GRM8: variants seen among roughly 807,000 people sequenced by gnomAD.
The protein encoded by GRM8 is metabotropic glutamate receptor 8.
In GRM8, 47 loss-of-function variants were observed where a neutral mutation model predicts 87.2. That is an observed-to-expected ratio of 0.54 (90% confidence interval 0.43 to 0.69). The LOEUF (loss-of-function observed/expected upper bound fraction) is 0.69. Ranked by LOEUF, GRM8 falls within the 30% of genes least tolerant of loss-of-function variation. The pLI, the probability that GRM8 is intolerant of heterozygous loss-of-function variation, is 0.00. For missense variants in GRM8, 1,019 were observed against 1,139.2 expected (o/e 0.89, Z 1.52); for synonymous variants, 396 against 404.5 (o/e 0.98, Z 0.25).
chr7:127,171,287 T>C (rs1450770734), intron 2 of GRM8, among the ~76,000 whole-genome samples: 1 of 152,150 alleles, frequency 6.6e-6, no homozygotes, highest in African/African-American at 2.4e-5. Flanking sequence ...CTGGTGAAAA[T>C]ACTGTGATCA....
chr7:127,182,147 A>T (rs1794474996), intron 2 of GRM8, among the ~76,000 whole-genome samples: 1 of 152,134 alleles, frequency 6.6e-6, no homozygotes, highest in African/African-American at 2.4e-5. Flanking sequence ...CAAATCAATA[A>T]GAAAAAAACA....
chr7:127,046,394 A>T (rs17866031), intron 3 of GRM8, among the ~76,000 whole-genome samples: 61 of 152,266 alleles, frequency 4.0e-4, no homozygotes, highest in East Asian at 3.7e-3. Flanking sequence ...AAATAAAAAA[A>T]AAAGAAAATC....
intron 6 of GRM8, among the ~76,000 whole-genome samples, chr7:126,793,124 C>T (rs1048332062): frequency 6.6e-6 from 1 of 152,102 alleles, no homozygotes; most frequent in Non-Finnish European, 1.5e-5. Context: ...CATGAGTTTT[C>T]CTATCAGCTT....
chr7:126,452,458 G>C (rs559401590), intron 9 of GRM8, among the ~76,000 whole-genome samples: 5 of 150,052 alleles, frequency 3.3e-5, no homozygotes, highest in African/African-American at 9.8e-5. Flanking sequence ...AAAGAAAACT[G>C]TTTGGATAAC....
intron 3 of GRM8, among the ~76,000 whole-genome samples, chr7:127,034,096 G>T (rs750021135): frequency 1.3e-5 from 2 of 152,126 alleles, no homozygotes; most frequent in South Asian, 2.1e-4. Context: ...ACTACACAGT[G>T]ATATCACTGC....
intron 3 of GRM8, among the ~76,000 whole-genome samples, chr7:126,963,976 C>T (rs1809579509): frequency 6.6e-6 from 1 of 152,100 alleles, no homozygotes. Context: ...ATATATAGAC[C>T]AATGGAACAG....
At chr7:126,532,893 T>A (rs912484029) in intron 9 of GRM8, 59 bp downstream of exon 9, 7 of 972,382 alleles carry the variant, frequency 7.2e-6, no homozygotes, top group Non-Finnish European at 7.8e-6. Flanking sequence ...AGGAAAAGCA[T>A]CCTAAAAGAA....
Position 126,486,593 on chromosome 7 carries a change from T to C in GRM8, c.2431-40221A>G, listed in dbSNP as rs753095730. On this transcript the variant is annotated intron_variant, in intron 9 of 10. Coordinates refer to ENST00000339582, the MANE Select transcript of GRM8 (RefSeq NM_000845.3). Reference sequence around the variant, plus strand: ...ATCTCACAATTTTTAAAAATCTTGATAGGGCTCATGACCCCTTTAAAATCT... The same window carrying C: ...ATCTCACAATTTTTAAAAATCTTGACAGGGCTCATGACCCCTTTAAAATCT... Among the ~76,000 whole-genome samples the C allele has an allele frequency of 4.5e-4, 69 of 152,094 alleles. 1 individual carries two copies. Among genetic ancestry groups the C allele is most frequent in the Non-Finnish European group, 9.1e-4 (62 of 67,982 alleles).
At chr7:127,117,850 A>T (rs1826792884) in intron 2 of GRM8, among the ~76,000 whole-genome samples, 2 of 152,256 alleles carry the variant, frequency 1.3e-5, no homozygotes, top group Admixed American at 1.3e-4. Context: ...TAAAATAAAA[A>T]GTCAGTAATT....
chr7:127,222,952 CA>C (rs575693175), intron 2 of GRM8, among the ~76,000 whole-genome samples: 8 of 152,102 alleles, frequency 5.3e-5, no homozygotes, highest in Non-Finnish European at 1.0e-4. Flanking sequence ...AAGCTTCGTA[CA>C]AGAATTAATG....
chr7:127,084,034 G>A (rs1823174272), intron 3 of GRM8, among the ~76,000 whole-genome samples: 1 of 152,154 alleles, frequency 6.6e-6, no homozygotes, highest in Non-Finnish European at 1.5e-5. Flanking sequence ...CAAACTTCTA[G>A]AGAATACATT....
At chr7:126,514,999 T>C (rs1241767171) in intron 9 of GRM8, among the ~76,000 whole-genome samples, 2 of 152,052 alleles carry the variant, frequency 1.3e-5, no homozygotes, top group African/African-American at 4.8e-5. Flanking sequence ...AATCTATTTG[T>C]TTCTTTAAAA....
chr7:126,867,383 T>C (rs2130867709), intron 6 of GRM8, among the ~76,000 whole-genome samples: 1 of 152,344 alleles, frequency 6.6e-6, no homozygotes, highest in South Asian at 2.1e-4. Context: ...AAAAAAGTAG[T>C]AAATTGGGCA....
At chr7:126,744,832 C>T (rs542370701) in intron 7 of GRM8, among the ~76,000 whole-genome samples, 1 of 152,020 alleles carries the variant, frequency 6.6e-6, no homozygotes, top group Non-Finnish European at 1.5e-5. Context: ...TATAAGAATG[C>T]AAGCTGTCTT....
intron 6 of GRM8, among the ~76,000 whole-genome samples, chr7:126,838,376 C>G (rs954148593): frequency 2.0e-4 from 31 of 152,302 alleles, no homozygotes; most frequent in African/African-American, 7.0e-4. Context: ...TTTCTCTGCT[C>G]TGCTTATTCA....
chr7:126,518,914 A>G (rs1292917001), intron 9 of GRM8, among the ~76,000 whole-genome samples: 1 of 152,100 alleles, frequency 6.6e-6, no homozygotes. Flanking sequence ...TTCCTTAATC[A>G]AGTCCACAGA....
At chr7:127,225,658 T>C (rs1797277077) in intron 2 of GRM8, among the ~76,000 whole-genome samples, 1 of 148,648 alleles carries the variant, frequency 6.7e-6, no homozygotes, top group Non-Finnish European at 1.5e-5. Context: ...ATATCTATTT[T>C]ATAATAGATA....
chr7:126,468,839 T>C (rs1804818571), intron 9 of GRM8, among the ~76,000 whole-genome samples: 1 of 152,130 alleles, frequency 6.6e-6, no homozygotes, highest in Non-Finnish European at 1.5e-5. Context: ...GCTATACTAT[T>C]AGATTGTCCT....
At chr7:126,954,024 A>G (rs1179918514) in intron 3 of GRM8, among the ~76,000 whole-genome samples, 2 of 152,144 alleles carry the variant, frequency 1.3e-5, no homozygotes, top group South Asian at 2.1e-4. Flanking sequence ...ACGAGATGCC[A>G]TATGGAAAGA....
Sources: gnomAD v4.1 joint callset for allele counts (sites outside exome capture counted in the v4.1 genomes callset) on GRCh38, gnomAD v4.1.1 for gene constraint, MANE v1.5 for transcripts, NCBI Gene and HGNC (gene_info 2026-07-23, HGNC 2026-07-21) for gene names.